Variants in NR6A1 observed in about 807,000 individuals in gnomAD.
NR6A1 encodes nuclear receptor subfamily 6 group A member 1, also known as retinoic acid receptor-related testis-associated receptor.
NR6A1 carries 7 observed loss-of-function variants against 59.1 expected under a neutral mutation model. The observed-to-expected ratio is 0.12, with a 90% CI of 0.07 to 0.22. NR6A1 has a LOEUF of 0.22. Among genes scored for constraint, NR6A1 ranks in the 10% least tolerant of loss-of-function variants. NR6A1 has a pLI of 1.00. For synonymous variants in NR6A1, 243 were observed against 236.1 expected, an observed-to-expected ratio of 1.03 and a Z score of -0.27; for missense variants, 468 against 611.6, an observed-to-expected ratio of 0.77 and a Z score of 2.48.
At chr9:124,759,619 G>C (rs1219044486) in intron 1 of NR6A1, among the ~76,000 whole-genome samples, 6 of 152,160 alleles carry the variant, frequency 3.9e-5, no homozygotes, top group Non-Finnish European at 8.8e-5. Context: ...CAGTGCTTAG[G>C]ATACAGATAA....
intron 2 of NR6A1, among the ~76,000 whole-genome samples, chr9:124,615,624 C>T: frequency 6.9e-6 from 1 of 145,914 alleles, no homozygotes; most frequent in East Asian, 2.0e-4. Flanking sequence ...GGGTTTTTGC[C>T]TTTTTTTTTT....
intron 2 of NR6A1, among the ~76,000 whole-genome samples, chr9:124,610,089 A>C (rs1422475456): frequency 2.6e-5 from 4 of 152,118 alleles, no homozygotes; most frequent in African/African-American, 7.2e-5. Context: ...GAATACCTTT[A>C]TTTCTTTCTC....
intron 2 of NR6A1, among the ~76,000 whole-genome samples, chr9:124,592,157 G>A (rs1042034124): frequency 2.6e-5 from 4 of 152,082 alleles, no homozygotes; most frequent in African/African-American, 9.7e-5. Flanking sequence ...TGATTGCAGC[G>A]ATGTTTGTGT....
At chr9:124,551,208 T>C (rs1833768019) in intron 3 of NR6A1, among the ~76,000 whole-genome samples, 1 of 152,140 alleles carries the variant, frequency 6.6e-6, no homozygotes, top group South Asian at 2.1e-4. Context: ...GGTGTACTCA[T>C]TGCTCCTGGG....
intron 2 of NR6A1, among the ~76,000 whole-genome samples, chr9:124,603,454 G>C (rs534826551): frequency 7.2e-5 from 11 of 152,184 alleles, no homozygotes; most frequent in African/African-American, 2.4e-4. Context: ...TTCAGGCCCT[G>C]TGTTAAATAT....
At chr9:124,681,889 A>C (rs995597506) in intron 2 of NR6A1, among the ~76,000 whole-genome samples, 3 of 152,366 alleles carry the variant, frequency 2.0e-5, no homozygotes, top group East Asian at 3.9e-4. Flanking sequence ...TGAAAAATGC[A>C]AGATAGACAA....
At position 124,518,526 on chromosome 9, in the gene NR6A1, G is replaced by C. The variant is rs1832733996; in HGVS notation, c.*4179C>G. ...GTGGCCCCAGAAACCCTTGTCTCCA[G>C]GCTAACCAGTTTCCAACACTTGGTG... On this transcript the variant is annotated 3_prime_UTR_variant, in exon 10 of 10. Coordinates refer to ENST00000487099, the MANE Select transcript of NR6A1 (RefSeq NM_033334.4). 1 of 152,092 alleles carries C rather than the reference G, an allele frequency of 6.6e-6. No homozygotes were observed. Among genetic ancestry groups the C allele is most frequent in the African/African-American group, 2.4e-5 (1 of 41,396 alleles). 9.4% of individuals were successfully genotyped at this position (152,092 alleles called of 1,614,324 possible).
At chr9:124,665,789 G>A (rs567639381) in intron 2 of NR6A1, among the ~76,000 whole-genome samples, 11 of 152,300 alleles carry the variant, frequency 7.2e-5, no homozygotes, top group Admixed American at 7.2e-4. Flanking sequence ...ACTATGAACA[G>A]AATGAGAGAC....
intron 1 of NR6A1, among the ~76,000 whole-genome samples, chr9:124,743,862 T>G (rs937613669): frequency 6.6e-6 from 1 of 152,208 alleles, no homozygotes; most frequent in Non-Finnish European, 1.5e-5. Flanking sequence ...CTGGCATTTT[T>G]CATTTGCAAT....
intron 2 of NR6A1, among the ~76,000 whole-genome samples, chr9:124,642,017 C>A (rs772198226): frequency 1.3e-5 from 2 of 152,042 alleles, no homozygotes; most frequent in Non-Finnish European, 2.9e-5. Context: ...TCTATCACTA[C>A]CACTTAACAG....
At chr9:124,745,896 G>C (rs1476233372) in intron 1 of NR6A1, among the ~76,000 whole-genome samples, 2 of 149,268 alleles carry the variant, frequency 1.3e-5, no homozygotes, top group Admixed American at 1.3e-4. Context: ...CTGAGGCAGG[G>C]AGAACTGCTT....
At chr9:124,620,071 G>T (rs1836020153) in intron 2 of NR6A1, among the ~76,000 whole-genome samples, 1 of 151,914 alleles carries the variant, frequency 6.6e-6, no homozygotes, top group African/African-American at 2.4e-5. Flanking sequence ...CCAAAAAAAA[G>T]AAAATTCAAT....
At chr9:124,662,082 G>A (rs1486008963) in intron 2 of NR6A1, among the ~76,000 whole-genome samples, 1 of 150,798 alleles carries the variant, frequency 6.6e-6, no homozygotes, top group Non-Finnish European at 1.5e-5. Flanking sequence ...AAAAAAAAAA[G>A]CATTTGAAAC....
At chr9:124,543,714 G>A in intron 4 of NR6A1, 88 bp downstream of exon 4, 1 of 978,996 alleles carries the variant, frequency 1.0e-6, no homozygotes, top group South Asian at 1.7e-5. Context: ...CTCAGCAGCA[G>A]ATGAAAGAGT....
intron 2 of NR6A1, among the ~76,000 whole-genome samples, chr9:124,618,623 G>A (rs1195100794): frequency 1.3e-5 from 2 of 152,148 alleles, no homozygotes; most frequent in Non-Finnish European, 2.9e-5. Flanking sequence ...AACCAAGTGA[G>A]TCATCCTAAA....
chr9:124,525,697 C>A (rs141337204), intron 8 of NR6A1, among the ~76,000 whole-genome samples: 10,365 of 149,142 alleles, frequency 0.069, 433 homozygotes, highest in African/African-American at 0.13. Context: ...CTCTCTCTCT[C>A]TCTATATATA....
chr9:124,531,056 T>C (rs1342010857), intron 7 of NR6A1, among the ~76,000 whole-genome samples: 1 of 152,250 alleles, frequency 6.6e-6, no homozygotes, highest in African/African-American at 2.4e-5. Flanking sequence ...GGCATAATTG[T>C]TAGCTGTTAT....
chr9:124,527,430 G>T (rs780852447), intron 7 of NR6A1, among the ~76,000 whole-genome samples: 1 of 152,236 alleles, frequency 6.6e-6, no homozygotes, highest in East Asian at 1.9e-4. Flanking sequence ...TATGCATAGT[G>T]AAAATTTTTA....
intron 2 of NR6A1, among the ~76,000 whole-genome samples, chr9:124,611,749 TAGAGAG>T (rs34197337): frequency 3.4e-4 from 31 of 91,498 alleles, no homozygotes; most frequent in Middle Eastern, 5.2e-3. Context: ...GACCCTGTCT[TAGAGAG>T]AGAGAGAGAG....
Sources: allele counts gnomAD v4.1 joint callset (sites outside exome capture counted in the v4.1 genomes callset), GRCh38; gene constraint gnomAD v4.1.1; transcripts MANE v1.5; gene names NCBI Gene and HGNC (gene_info 2026-07-23, HGNC 2026-07-21).